DCHS2: variants seen among roughly 807,000 people sequenced by gnomAD.
The protein encoded by DCHS2 is protocadherin-23.
DCHS2 carries 142 observed loss-of-function variants against 182.4 expected under a neutral mutation model. The observed-to-expected ratio is 0.78, with a 90% CI of 0.68 to 0.89. The LOEUF (loss-of-function observed/expected upper bound fraction) is 0.89, where lower values mean the gene tolerates loss of function less well. DCHS2 is among the 40% of genes least tolerant of loss of function. The pLI is 0.00. For synonymous variants in DCHS2, 1,740 were observed against 1,663.3 expected (o/e 1.05, Z -1.12); for missense variants, 4,319 against 4,198.6 (o/e 1.03, Z -0.79).
chr4:154,479,656 A>G (rs1735838879), intron 1 of DCHS2, among the ~76,000 whole-genome samples: 2 of 152,228 alleles, frequency 1.3e-5, no homozygotes, highest in Non-Finnish European at 2.9e-5. Flanking sequence ...TTCTTTTAAA[A>G]TCTACTAAGA....
intron 2 of DCHS2, 33 bp from the exon 3 acceptor site, chr4:154,366,474 G>GT: frequency 2.7e-6 from 4 of 1,465,056 alleles, no homozygotes; most frequent in Non-Finnish European, 3.8e-6. Context: ...TTACAAATGG[G>GT]TTTTTGCTGA....
At chr4:154,455,707 C>T (rs1560769540) in intron 1 of DCHS2, among the ~76,000 whole-genome samples, 1 of 152,146 alleles carries the variant, frequency 6.6e-6, no homozygotes, top group Non-Finnish European at 1.5e-5. Flanking sequence ...TCGCTCAACA[C>T]AATATTTCAA....
intron 1 of DCHS2, among the ~76,000 whole-genome samples, chr4:154,378,520 A>AGAAGGAAGGAAG (rs70947162): frequency 0.091 from 5,802 of 64,008 alleles, 436 homozygotes; most frequent in African/African-American, 0.15. Context: ...AAGGAAGGAA[A>AGAAGGAAGGAAG]GAAGGAAGGA....
rs1431747474 is a variant in DCHS2, at chr4:154,491,238, C to A, written c.118G>T (p.Gly40Cys). 6.4e-7 allele frequency: 1 copy of A among 1,551,344 alleles called. No individual in the cohort carries two copies. The highest frequency in any genetic ancestry group is 1.4e-5 in the African/African-American group (1 of 73,066). Reference protein sequence around the residue: ...DTPHGRSGSSGARTQRSLLWL... With the variant: ...DTPHGRSGSSCARTQRSLLWL... ...AGCAGGGAGCGCTGCGTCCTGGCGC[C>A]GCTGCTGCCTGACCGCCCATGGGGT... The change falls in exon 1 of 20, where the codon GGC becomes TGC. Residue 40 changes from glycine (G) to cysteine (C), a missense_variant. By Grantham distance (159) the Gly-to-Cys change is radical. Transcript: ENST00000357232.
At chr4:154,391,819 G>C (rs998496231) in intron 1 of DCHS2, among the ~76,000 whole-genome samples, 1 of 152,160 alleles carries the variant, frequency 6.6e-6, no homozygotes, top group African/African-American at 2.4e-5. Flanking sequence ...CCACGTGATG[G>C]CCCTGACCTG....
chr4:154,369,929 T>C (rs1475156457), intron 2 of DCHS2, among the ~76,000 whole-genome samples: 2 of 152,182 alleles, frequency 1.3e-5, no homozygotes, highest in Non-Finnish European at 2.9e-5. Flanking sequence ...AGGGAACATT[T>C]TCTACCGTTA....
chr4:154,362,983 T>C (rs1303228781), intron 3 of DCHS2, among the ~76,000 whole-genome samples: 2 of 152,138 alleles, frequency 1.3e-5, no homozygotes, highest in Non-Finnish European at 2.9e-5. Context: ...CAGTTAAGTT[T>C]TGGGGGAGTC....
rs779599624 is a variant in DCHS2 at position 154,236,576 on chromosome 4, A to C, written c.8076T>G (p.Arg2692=). 9 of 1,613,900 alleles carry C rather than the reference A, an allele frequency of 5.6e-6. No individual in the cohort carries two copies. Among genetic ancestry groups the C allele is most frequent in the African/African-American group, 2.7e-5 (2 of 74,910 alleles). ...SHITVVSAND[R]DTGSHAEIIY... is the part of the protein sequence containing the mutation. ...TGATTTCTGCATGTGACCCTGTGTC[A>C]CGGTCATTTGCTGAGACCACAGTGA... is the stretch of plus-strand genomic sequence containing the variant. Residue 2692 remains arginine (R), a synonymous_variant, in exon 20 of 20, where the codon CGT becomes CGG. Transcript: ENST00000357232.
chr4:154,244,820 GTTTAT>G (rs1731998910), intron 16 of DCHS2, among the ~76,000 whole-genome samples: 2 of 152,112 alleles, frequency 1.3e-5, no homozygotes, highest in Non-Finnish European at 2.9e-5. Context: ...TATGCTGAAA[GTTTAT>G]TTTGTTAGTA....
chr4:154,353,012 T>C (rs979213224), intron 3 of DCHS2, among the ~76,000 whole-genome samples: 6 of 152,112 alleles, frequency 3.9e-5, no homozygotes, highest in Admixed American at 6.5e-5. Context: ...AGATCGCAAA[T>C]AAAATTGTCT....
intron 1 of DCHS2, among the ~76,000 whole-genome samples, chr4:154,441,139 C>T (rs10003764): frequency 0.46 from 69,858 of 151,954 alleles, 16,552 homozygotes; most frequent in Middle Eastern, 0.68. Flanking sequence ...AAAGTCTTTG[C>T]TGGAATCATG....
chr4:154,378,030 C>T (rs1730992761), intron 1 of DCHS2, among the ~76,000 whole-genome samples: 1 of 152,096 alleles, frequency 6.6e-6, no homozygotes, highest in Admixed American at 6.6e-5. Context: ...CAATCAGGGC[C>T]CTGCACAGTG....
intron 13 of DCHS2, among the ~76,000 whole-genome samples, chr4:154,287,724 C>T (rs1734468993): frequency 6.6e-6 from 1 of 152,066 alleles, no homozygotes; most frequent in South Asian, 2.1e-4. Context: ...TCAAGTGATC[C>T]ACCTGCCTCA....
intron 14 of DCHS2, chr4:154,269,323 T>C (rs1418262388): frequency 6.6e-6 from 1 of 152,484 alleles, no homozygotes; most frequent in African/African-American, 2.4e-5. Context: ...AAGCAGTAGA[T>C]GTGTATCTAC....
In DCHS2 at chr4:154,366,334, G is replaced by T. The variant is rs761098543; in HGVS notation, c.2352C>A (p.Thr784=). The change falls in exon 3 of 20, where the codon ACC becomes ACA. Residue 784 remains threonine, a synonymous_variant. Transcript: ENST00000357232. The part of the protein sequence containing the change: ...STYVTSISDE[T]QPGTEIINVL... ...CATTGATGATCTCGGTGCCTGGCTG[G>T]GTCTCATCACTGATGCTCGTCACAT... The T allele has an allele frequency of 2.5e-6, 4 of 1,613,500 alleles. No individual in the cohort carries two copies. The highest frequency in any genetic ancestry group is 4.5e-5 in the East Asian group (2 of 44,824).
chr4:154,464,168 T>G (rs1161846529), intron 1 of DCHS2, among the ~76,000 whole-genome samples: 1 of 152,110 alleles, frequency 6.6e-6, no homozygotes, highest in Non-Finnish European at 1.5e-5. Flanking sequence ...GCATGTTAGA[T>G]AGAGGGGACA....
intron 7 of DCHS2, among the ~76,000 whole-genome samples, chr4:154,327,051 T>G (rs571119531): frequency 1.3e-5 from 2 of 152,326 alleles, no homozygotes; most frequent in Admixed American, 1.3e-4. Context: ...TGTCCTTCAT[T>G]AATATTTTAT....
chr4:154,366,128 A>T, intron 3 of DCHS2, 82 bp downstream of exon 3: 1 of 1,119,914 alleles, frequency 8.9e-7, no homozygotes, highest in Non-Finnish European at 1.3e-6. Context: ...AAAAAAAGTC[A>T]CTTTTTCTAA....
At chr4:154,324,203 C>T (rs540339070) in intron 7 of DCHS2, among the ~76,000 whole-genome samples, 1 of 152,228 alleles carries the variant, frequency 6.6e-6, no homozygotes, top group African/African-American at 2.4e-5. Context: ...CAATATATTG[C>T]CATTTTTATC....
Sources: allele counts gnomAD v4.1 joint callset (sites outside exome capture counted in the v4.1 genomes callset), GRCh38; gene constraint gnomAD v4.1.1; transcripts MANE v1.5; gene names NCBI Gene and HGNC (gene_info 2026-07-23, HGNC 2026-07-21).